Variants in LRP1 observed in about 807,000 individuals in gnomAD.
LRP1 encodes prolow-density lipoprotein receptor-related protein 1.
Under a neutral mutation model 541.5 loss-of-function variants are expected in LRP1, and 51 were observed. The observed-to-expected ratio is 0.09, with a 90% CI of 0.08 to 0.12. The LOEUF (loss-of-function observed/expected upper bound fraction) is 0.12. Ranked by LOEUF, LRP1 falls within the 10% of genes least tolerant of loss-of-function variation. LRP1 has a pLI of 1.00. For missense variants in LRP1, 3,878 were observed against 6,376.2 expected (o/e 0.61, Z 13.34); for synonymous variants, 2,219 against 2,470.8 (o/e 0.90, Z 3.02).
intron 13 of LRP1, among the ~76,000 whole-genome samples, chr12:57,161,875 G>A (rs574755507): frequency 2.1e-4 from 32 of 152,216 alleles, no homozygotes; most frequent in Non-Finnish European, 4.3e-4. Context: ...AGATCGTGTC[G>A]TTTTCACCTC....
Position 57,204,323 on chromosome 12 carries a change from C to CAGAGGGGT in LRP1, c.10952-87_10952-86insAGAGGGGT, listed in dbSNP as rs1353531584. The CAGAGGGGT allele has an allele frequency of 1.3e-5, 19 of 1,407,770 alleles. No individual in the cohort carries two copies. The East Asian group carries it at 4.5e-4, about 34-fold the overall frequency. 87.2% of individuals were successfully genotyped at this position (1,407,770 alleles called of 1,614,324 possible). A position where few individuals can be genotyped will look rare whatever the true frequency, so the allele number is the denominator to read the frequency against. On this transcript the variant is annotated intron_variant, in intron 70 of 88. Transcript: ENST00000243077. The surrounding 1 kb of genome is among the most constrained non-coding windows in gnomAD (Gnocchi z 5.3). The stretch of plus-strand genomic sequence containing the variant: ...CTGTGCCACTGCTTGCCTGGTGACC[C>CAGAGGGGT]CTCTGAGCCTGGAACCCCCACCTGT...
intron 19 of LRP1, among the ~76,000 whole-genome samples, chr12:57,167,748 G>C (rs933633650): frequency 5.3e-5 from 8 of 152,238 alleles, no homozygotes; most frequent in Admixed American, 5.2e-4. Flanking sequence ...TCCTACCCCA[G>C]GCAGGGCCTG....
chr12:57,172,363 G>T (rs1173950371), intron 20 of LRP1, among the ~76,000 whole-genome samples: 1 of 152,102 alleles, frequency 6.6e-6, no homozygotes, highest in African/African-American at 2.4e-5. Flanking sequence ...TAGAGACAGG[G>T]TTTCACCATG....
At chr12:57,190,328 G>C (rs984800531) in intron 42 of LRP1, among the ~76,000 whole-genome samples, 2 of 152,238 alleles carry the variant, frequency 1.3e-5, no homozygotes, top group African/African-American at 2.4e-5. Flanking sequence ...TACTCACATA[G>C]TGTGTGCCAT....
Position 57,178,849 on chromosome 12 carries a change from C to T in LRP1, c.4607-41C>T, listed in dbSNP as rs754006279. On this transcript the variant is annotated intron_variant, in intron 27 of 88. Coordinates refer to ENST00000243077, the MANE Select transcript of LRP1 (RefSeq NM_002332.3). This position sits in a 1 kb window ranked among gnomAD's most constrained non-coding sequence, Gnocchi z 5.8. Reference sequence around the variant, plus strand: ...GGTCCATGTAGGGAGCAGCAAGTCACAGGATGCTCTGGCTTCTTCTCTTCT... The same window carrying T: ...GGTCCATGTAGGGAGCAGCAAGTCATAGGATGCTCTGGCTTCTTCTCTTCT... The T allele has an allele frequency of 1.9e-6, 3 of 1,587,610 alleles. No individual in the cohort carries two copies. The highest frequency in any genetic ancestry group is 2.6e-6 in the Non-Finnish European group (3 of 1,170,652).
chr12:57,167,750 C>T (rs1203187769), intron 19 of LRP1, among the ~76,000 whole-genome samples: 1 of 152,262 alleles, frequency 6.6e-6, no homozygotes, highest in Non-Finnish European at 1.5e-5. Flanking sequence ...CTACCCCAGG[C>T]AGGGCCTGAG....
At position 57,187,287 on chromosome 12, in the gene LRP1, C is replaced by A. The variant is rs1172357594; in HGVS notation, c.6862C>A (p.Leu2288Met). 5.6e-6 allele frequency: 9 copies of A among 1,613,818 alleles called. No homozygotes were observed. Among genetic ancestry groups the A allele is most frequent in the Non-Finnish European group, 7.6e-6 (9 of 1,179,796 alleles). Residue 2288 changes from leucine (L) to methionine (M), a missense_variant, in exon 42 of 89, where the codon CTG (leucine) becomes ATG (methionine). By Grantham distance (15) the Leu-to-Met change is conservative. Transcript: ENST00000243077. ...IVENVGSVEGLAYHRGWDTLY... is the reference protein window; with the variant it reads ...IVENVGSVEGMAYHRGWDTLY... ...CACAGACGTGGGCTCCGTGGAAGGC[C>A]TGGCCTATCACCGTGGCTGGGACAC... is the stretch of plus-strand genomic sequence containing the variant.
chr12:57,141,809 G>A (rs1192047065), intron 3 of LRP1, among the ~76,000 whole-genome samples: 1 of 152,228 alleles, frequency 6.6e-6, no homozygotes, highest in African/African-American at 2.4e-5. Flanking sequence ...TGAGAGATCA[G>A]TGTTTTCATA....
In LRP1 at chr12:57,154,790, T is replaced by G. The variant is rs997314362; in HGVS notation, c.1227+89T>G. ...GGAAGCCTCTGTAGGGGAACCGTTC[T>G]CTGAGTCTCCTGGTAAAGAGCGTGG... On this transcript the variant is annotated intron_variant, in intron 8 of 88. Coordinates refer to ENST00000243077, the MANE Select transcript of LRP1 (RefSeq NM_002332.3). The surrounding 1 kb of genome is among the most constrained non-coding windows in gnomAD (Gnocchi z 4.6). The G allele has an allele frequency of 1.1e-5, 13 of 1,215,642 alleles. No individual in the cohort carries two copies. The highest frequency in any genetic ancestry group is 1.5e-5 in the Non-Finnish European group (13 of 846,884). 75.3% of individuals were successfully genotyped at this position (1,215,642 alleles called of 1,614,324 possible). A position where few individuals can be genotyped will look rare whatever the true frequency, so the allele number is the denominator to read the frequency against.
chr12:57,153,255 G>A (rs1739381385), intron 6 of LRP1, among the ~76,000 whole-genome samples: 1 of 152,100 alleles, frequency 6.6e-6, no homozygotes, highest in Admixed American at 6.5e-5. Flanking sequence ...GAGAGGAGGA[G>A]CCCAGAGGAG....
intron 1 of LRP1, among the ~76,000 whole-genome samples, chr12:57,135,548 C>G (rs536993858): frequency 8.2e-4 from 125 of 152,352 alleles, no homozygotes; most frequent in Non-Finnish European, 1.6e-3. Flanking sequence ...CAGGCCTCAG[C>G]CTTCTCGCTC....
intron 34 of LRP1, among the ~76,000 whole-genome samples, chr12:57,182,811 C>T (rs891405951): frequency 6.6e-6 from 1 of 151,564 alleles, no homozygotes; most frequent in African/African-American, 2.4e-5. Context: ...AGTGAAATTC[C>T]GTCTCAAAAA....
Position 57,175,708 on chromosome 12 carries a change from G to A in LRP1, c.3793+3G>A, listed in dbSNP as rs2136698518. 3.2e-6 allele frequency: 5 copies of A among 1,564,650 alleles called. No homozygotes were observed. Among genetic ancestry groups the A allele is most frequent in the East Asian group, 4.5e-5 (2 of 44,472 alleles). ...CGGCGAGAGCTGCCGCAGCCTGGGT[G>A]AGACAACAGTGAGGTGTGGTGGGGC... On this transcript the variant is annotated splice_donor_region_variant and intron_variant, in intron 23 of 88. Transcript: ENST00000243077.
chr12:57,140,163 C>T (rs1366102909), intron 2 of LRP1, among the ~76,000 whole-genome samples: 1 of 151,990 alleles, frequency 6.6e-6, no homozygotes, highest in Non-Finnish European at 1.5e-5. Context: ...TGATCTCAAA[C>T]TCCTGACCTC....
chr12:57,199,788 C>T lies in LRP1; in HGVS notation c.9866-89C>T, dbSNP rs183598327. On this transcript the variant is annotated intron_variant, in intron 61 of 88. Coordinates refer to ENST00000243077, the MANE Select transcript of LRP1 (RefSeq NM_002332.3). ...CTCCTAAAAGAGGCAGGGTTCAGAC[C>T]CACCCGCCTCTGTCCAGGATAGAGT... The T allele has an allele frequency of 4.4e-5, 64 of 1,444,950 alleles. No individual in the cohort carries two copies. In the East Asian group the frequency reaches 1.5e-3, roughly 35 times the overall value. The allele number at this position is 1,444,950 out of a possible 1,614,324, so 89.5% of individuals were successfully genotyped here.
At chr12:57,199,552 C>T in intron 61 of LRP1, 152 bp downstream of exon 61, 1 of 885,232 alleles carries the variant, frequency 1.1e-6, no homozygotes, top group African/African-American at 1.7e-5. Context: ...TGGTCTGGCT[C>T]CCGGGAGCTT....
chr12:57,169,217 G>C lies in LRP1; in HGVS notation c.3073G>C (p.Gly1025Arg). ...TAGCACCCAGTTCAAGTGCAACAGC[G>C]GGCGTTGCATCCCCGAGCACTGGAC... is the stretch of plus-strand genomic sequence containing the variant. Reference protein sequence around the residue: ...CSSTQFKCNSGRCIPEHWTCD... With the variant: ...CSSTQFKCNSRRCIPEHWTCD... The change falls in exon 20 of 89, where the codon GGG becomes CGG. Residue 1025 changes from glycine to arginine, a missense_variant. This residue lies in a region of LRP1 where 320 missense variants were observed against 547.9 expected (regional missense o/e 0.58). Coordinates refer to ENST00000243077, the MANE Select transcript of LRP1 (RefSeq NM_002332.3). 6.2e-7 allele frequency: 1 copy of C among 1,613,802 alleles called. No individual in the cohort carries two copies. Among genetic ancestry groups the C allele is most frequent in the Non-Finnish European group, 8.5e-7 (1 of 1,179,780 alleles).
chr12:57,134,783 C>A lies in LRP1; in HGVS notation c.68-3676C>A, dbSNP rs888673822. Among the ~76,000 whole-genome samples the A allele has an allele frequency of 2.0e-5, 3 of 152,268 alleles. No individual in the cohort carries two copies. The East Asian group carries it at 5.8e-4, about 29-fold the overall frequency. ...GCAGTGGCGCGATCTCAGTTCACTG[C>A]AAGCTCCGCCTCCCCTGGTTCACGC... On this transcript the variant is annotated intron_variant, in intron 1 of 88. Transcript: ENST00000243077.
Position 57,143,764 on chromosome 12 carries a change from C to T in LRP1, c.414C>T (p.Ser138=). The change falls in exon 4 of 89, where the codon AGC becomes AGT. Residue 138 remains serine (S), a synonymous_variant. Transcript: ENST00000243077. ...LDGPTCYCNS[S]FQLQADGKTC... is the part of the protein sequence containing the mutation. Reference sequence around the variant, plus strand: ...GGCCCACCTGCTACTGCAACAGCAGCTTTCAGCTTCAGGCAGATGGCAAGA... The same window carrying T: ...GGCCCACCTGCTACTGCAACAGCAGTTTTCAGCTTCAGGCAGATGGCAAGA... 6.2e-7 allele frequency: 1 copy of T among 1,614,144 alleles called. No homozygotes were observed. The highest frequency in any genetic ancestry group is 8.5e-7 in the Non-Finnish European group (1 of 1,179,992).
Sources: allele counts gnomAD v4.1 joint callset (sites outside exome capture counted in the v4.1 genomes callset), GRCh38; gene constraint gnomAD v4.1.1; regional missense constraint gnomAD v4.1.1; non-coding constraint Gnocchi (gnomAD v3.1); transcripts MANE v1.5; gene names NCBI Gene and HGNC (gene_info 2026-07-23, HGNC 2026-07-21).